Variants in TMPRSS12 observed in about 807,000 individuals in gnomAD.
TMPRSS12 encodes transmembrane protease serine 12.
TMPRSS12 carries 25 observed loss-of-function variants against 26.0 expected under a neutral mutation model. The observed-to-expected ratio is 0.96, with a 90% CI of 0.70 to 1.34. The LOEUF (loss-of-function observed/expected upper bound fraction) is 1.34, where lower values mean the gene tolerates loss of function less well. Among genes scored for constraint, TMPRSS12 ranks in the 40% most tolerant of loss-of-function variants. The probability of loss-of-function intolerance (pLI) is 0.00; values close to 1 mark genes in which losing one functional copy is unlikely to be tolerated. For synonymous variants in TMPRSS12, 150 were observed against 161.7 expected, an observed-to-expected ratio of 0.93 and a Z score of 0.55; for missense variants, 441 against 440.1, an observed-to-expected ratio of 1.00 and a Z score of -0.02.
At chr12:50,844,107 C>A in intron 2 of TMPRSS12, 70 bp downstream of exon 2, 1 of 1,370,102 alleles carries the variant, frequency 7.3e-7, no homozygotes, top group Non-Finnish European at 9.7e-7. Flanking sequence ...GACCATTTAA[C>A]TTCAGCCATT....
At chr12:50,872,509 G>A (rs1938055459) in intron 3 of TMPRSS12, among the ~76,000 whole-genome samples, 1 of 88,654 alleles carries the variant, frequency 1.1e-5, no homozygotes, top group Non-Finnish European at 1.9e-5. Flanking sequence ...GACAGAGCGA[G>A]ACTCCGTCTC....
At chr12:50,845,549 T>C (rs1440608523) in intron 2 of TMPRSS12, among the ~76,000 whole-genome samples, 1 of 152,232 alleles carries the variant, frequency 6.6e-6, no homozygotes, top group Non-Finnish European at 1.5e-5. Context: ...AAGTCCAAAA[T>C]GGAATTTACT....
chr12:50,885,164 A>G, intron 3 of TMPRSS12, 82 bp from the exon 4 acceptor site: 1 of 1,319,450 alleles, frequency 7.6e-7, no homozygotes, highest in Non-Finnish European at 1.0e-6. Context: ...GTCACTTTGG[A>G]AAGAAAACAT....
chr12:50,870,037 C>T (rs1200734339), intron 3 of TMPRSS12, among the ~76,000 whole-genome samples: 3 of 151,874 alleles, frequency 2.0e-5, no homozygotes, highest in Non-Finnish European at 1.5e-5. Flanking sequence ...GAGCTGAGAT[C>T]GTGCCACTGC....
intron 3 of TMPRSS12, among the ~76,000 whole-genome samples, chr12:50,879,924 T>C (rs1247525090): frequency 1.3e-5 from 2 of 151,990 alleles, no homozygotes; most frequent in South Asian, 2.1e-4. Flanking sequence ...TAAACTGTGA[T>C]TGTGTCACTG....
intron 3 of TMPRSS12, among the ~76,000 whole-genome samples, chr12:50,881,951 G>A (rs1442852192): frequency 5.2e-5 from 5 of 96,928 alleles, no homozygotes; most frequent in Non-Finnish European, 7.4e-5. Context: ...AGCCCAGGGC[G>A]AGACCACTTC....
chr12:50,852,878 G>A (rs1045767936), intron 2 of TMPRSS12, among the ~76,000 whole-genome samples: 2 of 152,182 alleles, frequency 1.3e-5, no homozygotes, highest in Admixed American at 6.5e-5. Flanking sequence ...CACAATAATA[G>A]TGGGAGACTT....
chr12:50,872,017 A>G (rs915313281), intron 3 of TMPRSS12, among the ~76,000 whole-genome samples: 8 of 152,150 alleles, frequency 5.3e-5, no homozygotes, highest in Admixed American at 1.3e-4. Flanking sequence ...TACAGCCACT[A>G]TGGAAAACAG....
chr12:50,852,772 G>A (rs1325256932), intron 2 of TMPRSS12, among the ~76,000 whole-genome samples: 1 of 152,118 alleles, frequency 6.6e-6, no homozygotes, highest in African/African-American at 2.4e-5. Flanking sequence ...ATGATAAAGG[G>A]TTCAATTCAA....
At chr12:50,870,769 T>C (rs2139730913) in intron 3 of TMPRSS12, among the ~76,000 whole-genome samples, 1 of 141,966 alleles carries the variant, frequency 7.0e-6, no homozygotes, top group East Asian at 2.2e-4. Context: ...AGATACAAGA[T>C]TAATGTACAC....
intron 2 of TMPRSS12, among the ~76,000 whole-genome samples, chr12:50,844,759 C>T (rs2139717791): frequency 6.6e-6 from 1 of 152,298 alleles, no homozygotes; most frequent in South Asian, 2.1e-4. Flanking sequence ...GTCTCTCTCA[C>T]AATTGCATGA....
chr12:50,884,762 C>T (rs1199770661), intron 3 of TMPRSS12, among the ~76,000 whole-genome samples: 4 of 151,952 alleles, frequency 2.6e-5, no homozygotes, highest in South Asian at 4.1e-4. Context: ...ATCCCAGCTA[C>T]TCAGGAGGCT....
At chr12:50,886,156 TTATCAC>T (rs1477036197) in intron 4 of TMPRSS12, 7 of 152,190 alleles carry the variant, frequency 4.6e-5, no homozygotes, top group Admixed American at 1.3e-4. Context: ...AGTTGTCTTT[TTATCAC>T]TGAGTTATAA....
At chr12:50,886,985 CCAAA>C (rs1245735289) in intron 4 of TMPRSS12, 1 of 323,652 alleles carries the variant, frequency 3.1e-6, no homozygotes, top group African/African-American at 2.2e-5. Context: ...ATTTAAAAAT[CCAAA>C]CAATTTGATT....
chr12:50,860,977 C>A lies in TMPRSS12; in HGVS notation c.652+1924C>A, dbSNP rs867369134. Among the ~76,000 whole-genome samples the A allele has an allele frequency of 2.4e-4, 36 of 152,130 alleles. 1 individual carries two copies. The highest frequency in any genetic ancestry group is 7.5e-4 in the African/African-American group (31 of 41,430). On this transcript the variant is annotated intron_variant, in intron 3 of 4. Coordinates refer to ENST00000398458, the MANE Select transcript of TMPRSS12 (RefSeq NM_182559.3). Reference sequence around the variant, plus strand: ...CAGGCTGGTCTCAAACTCCTGGCCTCAAGCAATCTAGCCGCTTCGGTCTCC... The same window carrying A: ...CAGGCTGGTCTCAAACTCCTGGCCTAAAGCAATCTAGCCGCTTCGGTCTCC...
intron 4 of TMPRSS12, 39 bp downstream of exon 4, chr12:50,885,427 G>A: frequency 6.2e-7 from 1 of 1,612,618 alleles, no homozygotes; most frequent in Non-Finnish European, 8.5e-7. Flanking sequence ...ATTTTCTGAA[G>A]CCAGAAGGGA....
chr12:50,847,116 T>C (rs1054168571), intron 2 of TMPRSS12, among the ~76,000 whole-genome samples: 2 of 141,982 alleles, frequency 1.4e-5, no homozygotes, highest in Non-Finnish European at 3.0e-5. Context: ...TGGAGTGCAG[T>C]GGCGCGATCT....
intron 2 of TMPRSS12, among the ~76,000 whole-genome samples, chr12:50,849,826 TAC>T (rs1210459158): frequency 6.6e-6 from 1 of 152,110 alleles, no homozygotes; most frequent in Non-Finnish European, 1.5e-5. Context: ...GACAAACGCA[TAC>T]AGTCATGTGA....
intron 3 of TMPRSS12, among the ~76,000 whole-genome samples, chr12:50,883,470 T>C (rs906183775): frequency 3.2e-4 from 48 of 152,156 alleles, no homozygotes; most frequent in African/African-American, 1.1e-3. Flanking sequence ...GGAGAATTGC[T>C]TGGGCCCATT....
Sources: gnomAD v4.1 joint callset for allele counts (sites outside exome capture counted in the v4.1 genomes callset) on GRCh38, gnomAD v4.1.1 for gene constraint, MANE v1.5 for transcripts, NCBI Gene and HGNC (gene_info 2026-07-23, HGNC 2026-07-21) for gene names.